The following TENM3 variants were observed in gnomAD, a reference collection of about 807,000 sequenced individuals.
The protein encoded by TENM3 is teneurin transmembrane protein 3.
TENM3 carries 63 observed loss-of-function variants against 255.1 expected under a neutral mutation model. The ratio of observed to expected loss-of-function variants is 0.25; its 90% CI spans 0.20 to 0.30. The LOEUF (loss-of-function observed/expected upper bound fraction) is 0.30, where lower values mean the gene tolerates loss of function less well. Among genes scored for constraint, TENM3 ranks in the 10% least tolerant of loss-of-function variants. TENM3 has a pLI of 1.00. For synonymous variants in TENM3, 1,306 were observed against 1,322.3 expected (o/e 0.99, Z 0.27); for missense variants, 2,929 against 3,461.1 (o/e 0.85, Z 3.86).
At chr4:181,796,660 G>A in the TENM3 span, among the ~76,000 whole-genome samples, 1 of 152,158 alleles carries the variant, frequency 6.6e-6, no homozygotes, top group Admixed American at 6.5e-5. Flanking sequence ...ATCATTACCT[G>A]ACCATGGGGG....
chr4:181,519,187 C>T, the TENM3 span, among the ~76,000 whole-genome samples: 1 of 152,178 alleles, frequency 6.6e-6, no homozygotes, highest in East Asian at 1.9e-4. Flanking sequence ...ATTGTACCAG[C>T]AGGATATGGG....
intron 12 of TENM3, among the ~76,000 whole-genome samples, chr4:182,712,318 A>C (rs1758806161): frequency 6.6e-6 from 1 of 152,140 alleles, no homozygotes; most frequent in Non-Finnish European, 1.5e-5. Context: ...TTTTCATTAG[A>C]ATATGAAAAT....
intron 1 of TENM3, among the ~76,000 whole-genome samples, chr4:182,159,453 T>A (rs1579540711): frequency 1.1e-5 from 1 of 88,820 alleles, no homozygotes; most frequent in African/African-American, 3.5e-5. Context: ...TATGAGTGTG[T>A]GTGTGTGTGT....
At position 182,184,480 on chromosome 4, in the gene TENM3, G is replaced by A. The variant is rs1440407732; in HGVS notation, c.-76+39726G>A. Among the ~76,000 whole-genome samples the A allele has an allele frequency of 4.3e-5, 6 of 139,024 alleles. No individual in the cohort carries two copies. In the East Asian group the frequency reaches 8.6e-4, roughly 20 times the overall value. 91.2% of individuals were successfully genotyped at this position (139,024 alleles called of 152,430 possible). A position where few individuals can be genotyped will look rare whatever the true frequency, so the allele number is the denominator to read the frequency against. The stretch of plus-strand genomic sequence containing the variant: ...CAAAAATAAATTACAACTATGAAGA[G>A]ATGCATGGTTGAGTTTTTTTTTTTT... On this transcript the variant is annotated intron_variant, in intron 1 of 2. Transcript: ENST00000512480.
At chr4:182,364,038 T>C (rs762270350) in intron 3 of TENM3, among the ~76,000 whole-genome samples, 2 of 152,036 alleles carry the variant, frequency 1.3e-5, no homozygotes, top group African/African-American at 2.4e-5. Flanking sequence ...TGCCTATAGG[T>C]GAACCAAATT....
intron 1 of TENM3, among the ~76,000 whole-genome samples, chr4:182,234,585 A>G (rs1203083039): frequency 6.6e-6 from 1 of 152,120 alleles, no homozygotes; most frequent in Non-Finnish European, 1.5e-5. Flanking sequence ...TACAAAAATT[A>G]GCCGGGCGTG....
At position 182,532,974 on chromosome 4, in the gene TENM3, G is replaced by A. The variant is rs545695875; in HGVS notation, c.512-67950G>A. Among the ~76,000 whole-genome samples, 9 of 152,320 alleles carry A rather than the reference G, an allele frequency of 5.9e-5. No homozygotes were observed. In the East Asian group the frequency reaches 1.7e-3, roughly 30 times the overall value. On this transcript the variant is annotated intron_variant, in intron 3 of 27. Coordinates refer to ENST00000511685, the MANE Select transcript of TENM3 (RefSeq NM_001080477.4). ...TAAATGCACCTTTCACAGTGCGCAA[G>A]AAGGGCATTATTTCCCAAGGGTACA... is the stretch of plus-strand genomic sequence containing the variant.
At chr4:181,450,286 A>T in the TENM3 span, among the ~76,000 whole-genome samples, 1 of 152,184 alleles carries the variant, frequency 6.6e-6, no homozygotes, top group Non-Finnish European at 1.5e-5. Context: ...TCTTTATGAT[A>T]ACGTTTTTGG....
the TENM3 span, among the ~76,000 whole-genome samples, chr4:181,888,571 TATATATAC>T: frequency 3.0e-5 from 2 of 66,376 alleles, no homozygotes; most frequent in African/African-American, 5.7e-5. Flanking sequence ...CATATATGTA[TATATATAC>T]ATATATATAT....
chr4:182,512,102 G>A (rs1737463602), intron 3 of TENM3, among the ~76,000 whole-genome samples: 1 of 152,158 alleles, frequency 6.6e-6, no homozygotes, highest in Non-Finnish European at 1.5e-5. Flanking sequence ...AAAGGAGGAT[G>A]TGGAAGAGAC....
chr4:182,140,385 C>A (rs1447091971), upstream of TENM3, among the ~76,000 whole-genome samples: 1 of 152,108 alleles, frequency 6.6e-6, no homozygotes. Flanking sequence ...GAGGGGTGAG[C>A]TGGAAGGTCT....
chr4:181,947,255 C>G, the TENM3 span, among the ~76,000 whole-genome samples: 1 of 152,170 alleles, frequency 6.6e-6, no homozygotes. Context: ...ATGCTACGTA[C>G]ACTTGTGACA....
chr4:181,459,593 G>A, the TENM3 span, among the ~76,000 whole-genome samples: 1 of 151,898 alleles, frequency 6.6e-6, no homozygotes, highest in Non-Finnish European at 1.5e-5. Flanking sequence ...ATGTTAAAAA[G>A]TATACACTTT....
chr4:182,552,524 C>T (rs1742151588), intron 3 of TENM3, among the ~76,000 whole-genome samples: 1 of 152,142 alleles, frequency 6.6e-6, no homozygotes, highest in Non-Finnish European at 1.5e-5. Flanking sequence ...CTGTACCATT[C>T]TGAAACTTGA....
At chr4:182,098,068 G>A in the TENM3 span, among the ~76,000 whole-genome samples, 1 of 151,972 alleles carries the variant, frequency 6.6e-6, no homozygotes, top group Non-Finnish European at 1.5e-5. Flanking sequence ...ATGGCCAACA[G>A]GTATATGAAA....
rs185151899 is a variant in TENM3, at chr4:182,665,696, C to A, written c.1112-7309C>A. On this transcript the variant is annotated intron_variant, in intron 6 of 27. Coordinates refer to ENST00000511685, the MANE Select transcript of TENM3 (RefSeq NM_001080477.4). ...GGATCACGAGGTCAGGAGATCGAGACCATCCTGGTTAACAGGGTGAAACCC... is the reference window on the plus strand; with the variant it reads ...GGATCACGAGGTCAGGAGATCGAGAACATCCTGGTTAACAGGGTGAAACCC... 4.6e-5 allele frequency among the ~76,000 whole-genome samples: 7 copies of A among 151,954 alleles called. No individual in the cohort carries two copies. In the East Asian group the frequency reaches 1.4e-3, roughly 30 times the overall value.
At chr4:182,157,111 C>T (rs750803224) in intron 1 of TENM3, among the ~76,000 whole-genome samples, 9 of 152,288 alleles carry the variant, frequency 5.9e-5, no homozygotes, top group South Asian at 4.2e-4. Context: ...AGCATGCAGA[C>T]GTTAGCAGTG....
the TENM3 span, among the ~76,000 whole-genome samples, chr4:182,036,937 T>G: frequency 6.6e-6 from 1 of 152,174 alleles, no homozygotes; most frequent in Admixed American, 6.5e-5. Flanking sequence ...TGCCAGCTTA[T>G]TTCATGGTGT....
At chr4:182,763,359 A>G (rs1579393372) in intron 22 of TENM3, among the ~76,000 whole-genome samples, 1 of 152,216 alleles carries the variant, frequency 6.6e-6, no homozygotes, top group South Asian at 2.1e-4. Flanking sequence ...ACGTCAGGAG[A>G]TCGAGACCAT....
Sources: gnomAD v4.1 joint callset for allele counts (sites outside exome capture counted in the v4.1 genomes callset) on GRCh38, gnomAD v4.1.1 for gene constraint, MANE v1.5 for transcripts, NCBI Gene and HGNC (gene_info 2026-07-23, HGNC 2026-07-21) for gene names.